The following RRP12 variants were observed in gnomAD, a reference collection of about 807,000 sequenced individuals.
The protein encoded by RRP12 is ribosomal RNA processing 12 homolog.
In RRP12, 78 loss-of-function variants were observed where a neutral mutation model predicts 157.3. The ratio of observed to expected loss-of-function variants is 0.50; its 90% CI spans 0.41 to 0.60. The LOEUF is 0.60. Among genes scored for constraint, RRP12 ranks in the 20% least tolerant of loss-of-function variants. The pLI is 0.00. For missense variants in RRP12, 1,521 were observed against 1,679.9 expected (o/e 0.91, Z 1.65); for synonymous variants, 726 against 670.9 (o/e 1.08, Z -1.27).
At chr10:97,379,269 C>T (rs1300886678) in intron 15 of RRP12, 24 bp downstream of exon 15, 1 of 1,613,090 alleles carries the variant, frequency 6.2e-7, no homozygotes, top group Admixed American at 1.7e-5. Flanking sequence ...CCTCAGGTCA[C>T]ACACAGGCAA....
intron 29 of RRP12, 105 bp downstream of exon 29, chr10:97,366,003 A>G: frequency 1.4e-6 from 2 of 1,460,448 alleles, no homozygotes; most frequent in South Asian, 2.4e-5. Context: ...GAAGCTGCCG[A>G]GAGAAGAGTT....
At chr10:97,396,976 G>A (rs568408580) in intron 2 of RRP12, among the ~76,000 whole-genome samples, 2 of 152,156 alleles carry the variant, frequency 1.3e-5, no homozygotes, top group Non-Finnish European at 2.9e-5. Context: ...TGTTGACCAA[G>A]CTGGTTTTGA....
Position 97,363,902 on chromosome 10 carries a change from G to A in RRP12, c.3519C>T (p.Gly1173=), listed in dbSNP as rs758736893. 10 of 1,613,626 alleles carry A rather than the reference G, an allele frequency of 6.2e-6. No homozygotes were observed. The highest frequency in any genetic ancestry group is 2.7e-5 in the African/African-American group (2 of 74,840). ...TTGGGTCAGCCATCTCTTCATCTTCGCCTGGAGCCAAAAAAGAGAGGCCCA... is the reference window on the plus strand; with the variant it reads ...TTGGGTCAGCCATCTCTTCATCTTCACCTGGAGCCAAAAAAGAGAGGCCCA... ...NKMEEEEGAK[G]EDEEMADPME... Residue 1173 remains glycine, a splice_region_variant and synonymous_variant, in exon 30 of 34, where the codon GGC becomes GGT. Coordinates refer to ENST00000370992, the MANE Select transcript of RRP12 (RefSeq NM_015179.4).
At position 97,369,079 on chromosome 10, in the gene RRP12, G is replaced by C. The variant is rs1163672911; in HGVS notation, c.2955+346C>G. Among the ~76,000 whole-genome samples, 10 of 152,310 alleles carry C rather than the reference G, an allele frequency of 6.6e-5. No homozygotes were observed. In the South Asian group the frequency reaches 8.3e-4, roughly 13 times the overall value. On this transcript the variant is annotated intron_variant, in intron 25 of 33. Coordinates refer to ENST00000370992, the MANE Select transcript of RRP12 (RefSeq NM_015179.4). ...AAAAAAAAAAAGGCAAGATGAGGGGGTCCTGTGGAGGGAGAGCCCAGCGTC... is the reference window on the plus strand; with the variant it reads ...AAAAAAAAAAAGGCAAGATGAGGGGCTCCTGTGGAGGGAGAGCCCAGCGTC...
chr10:97,398,021 A>ATATG (rs1348075035), intron 2 of RRP12, among the ~76,000 whole-genome samples: 1 of 62,368 alleles, frequency 1.6e-5, no homozygotes, highest in African/African-American at 5.1e-5. Context: ...ATATATATAT[A>ATATG]TGTATATATA....
intron 8 of RRP12, chr10:97,387,971 G>A: frequency 4.3e-6 from 1 of 231,826 alleles, no homozygotes; most frequent in Non-Finnish European, 7.7e-6. Context: ...AAAAAAAATT[G>A]GTATAGGGTA....
intron 1 of RRP12, 50 bp from the exon 2 acceptor site, chr10:97,400,584 G>A (rs763584485): frequency 3.4e-6 from 5 of 1,487,688 alleles, no homozygotes; most frequent in Non-Finnish European, 4.7e-6. Context: ...TTGGTCAAGA[G>A]AACAGAACAA....
chr10:97,373,417 C>A (rs1172407651), intron 17 of RRP12, among the ~76,000 whole-genome samples, 158 bp downstream of exon 17: 1 of 152,192 alleles, frequency 6.6e-6, no homozygotes, highest in Admixed American at 6.5e-5. Context: ...AGGGAGCCAG[C>A]AAAGTTATCC....
chr10:97,368,762 C>T (rs1262768325), intron 25 of RRP12, among the ~76,000 whole-genome samples: 1 of 152,236 alleles, frequency 6.6e-6, no homozygotes, highest in Non-Finnish European at 1.5e-5. Flanking sequence ...AGCGGGAGGG[C>T]ATGCTGATTC....
rs1167390072 is a variant in RRP12 at position 97,379,318 on chromosome 10, G to A, written c.1773C>T (p.Pro591=). 1 of 1,614,104 alleles carries A rather than the reference G, an allele frequency of 6.2e-7. No homozygotes were observed. Residue 591 remains proline (P), a synonymous_variant, in exon 15 of 34, where the codon CCC becomes CCT. Coordinates refer to ENST00000370992, the MANE Select transcript of RRP12 (RefSeq NM_015179.4). The part of the protein sequence containing the change: ...RLGFFTTYFL[P]LANTLKSKAM... ...CTTTGCTCTTCAGGGTGTTAGCCAGGGGCAAGAAGTAGGTGGTGAAAAAAC... is the reference window on the plus strand; with the variant it reads ...CTTTGCTCTTCAGGGTGTTAGCCAGAGGCAAGAAGTAGGTGGTGAAAAAAC...
At position 97,379,695 on chromosome 10, in the gene RRP12, C is replaced by T. The variant is rs201748523; in HGVS notation, c.1609G>A (p.Ala537Thr). 15 of 1,613,908 alleles carry T rather than the reference C, an allele frequency of 9.3e-6. No individual in the cohort carries two copies. The African/African-American group carries it at 1.5e-4, about 16-fold the overall frequency. The change falls in exon 14 of 34, where the codon GCT (alanine) becomes ACT (threonine). Residue 537 changes from alanine to threonine, a missense_variant. By Grantham distance (58) the Ala-to-Thr change is moderately conservative. Coordinates refer to ENST00000370992, the MANE Select transcript of RRP12 (RefSeq NM_015179.4). ...TCAGGTCCCATACTGGTCACCGCAG[C>T]CCCCACTGCCTGGTCAAGAGCCGCC... ...HTAALDQAVG[A>T]AVTSMGPEVV...
At chr10:97,359,380 T>G (rs1168824611) in intron 31 of RRP12, among the ~76,000 whole-genome samples, 3 of 152,224 alleles carry the variant, frequency 2.0e-5, no homozygotes, top group African/African-American at 7.2e-5. Flanking sequence ...AGCTCCAACC[T>G]CAGGCAAGCC....
rs547798672 is a variant in RRP12 at position 97,385,197 on chromosome 10, C to T, written c.1177G>A (p.Val393Ile). The T allele has an allele frequency of 7.4e-6, 12 of 1,614,090 alleles. No individual in the cohort carries two copies. In the South Asian group the frequency reaches 1.3e-4, roughly 18 times the overall value. The stretch of plus-strand genomic sequence containing the variant: ...AGGTTGATGTGGGCTTTCTCCATGA[C>T]CTTAAGCCAGGCTAGCAGGGGTTGT... ...DLQPLLAWLK[V>I]MEKAHINLVR... Residue 393 changes from valine (V) to isoleucine (I), a missense_variant, in exon 10 of 34, where the codon GTC (valine) becomes ATC (isoleucine). Physicochemically the swap from Val to Ile is conservative, Grantham distance 29. Coordinates refer to ENST00000370992, the MANE Select transcript of RRP12 (RefSeq NM_015179.4).
rs1232442446 is a variant in RRP12 at position 97,373,741 on chromosome 10, GAGA to G, written c.1864-7_1864-5del. 3.7e-6 allele frequency: 6 copies of G among 1,612,390 alleles called. No individual in the cohort carries two copies. Among genetic ancestry groups the G allele is most frequent in the Non-Finnish European group, 5.1e-6 (6 of 1,178,614 alleles). On this transcript the variant is annotated splice_polypyrimidine_tract_variant and splice_region_variant and intron_variant, in intron 16 of 33. Coordinates refer to ENST00000370992, the MANE Select transcript of RRP12 (RefSeq NM_015179.4). Reference sequence around the variant, plus strand: ...ACCCAGGCAGGAGTGTCCACATCTGGAGAAGGAGGGGACAATAAAGGAAGGTGA... The same window carrying G: ...ACCCAGGCAGGAGTGTCCACATCTGGAGGAGGGGACAATAAAGGAAGGTGA...
chr10:97,358,910 C>T (rs1237514832), intron 32 of RRP12, 33 bp downstream of exon 32: 2 of 1,581,324 alleles, frequency 1.3e-6, no homozygotes, highest in African/African-American at 1.3e-5. Context: ...TGTCCAGTGC[C>T]AGGAGACCCC....
chr10:97,383,589 G>A (rs1010105540), intron 10 of RRP12, among the ~76,000 whole-genome samples: 9 of 152,234 alleles, frequency 5.9e-5, no homozygotes, highest in African/African-American at 2.2e-4. Context: ...CTCCCTCCAT[G>A]CAGGTCACCA....
intron 10 of RRP12, among the ~76,000 whole-genome samples, chr10:97,384,129 G>A (rs540320775): frequency 8.9e-4 from 133 of 149,098 alleles, no homozygotes; most frequent in Admixed American, 1.5e-3. Context: ...CAGCCAGGAC[G>A]GAGGCCCTGA....
chr10:97,379,216 C>T (rs1254247694), intron 15 of RRP12, 77 bp downstream of exon 15: 1 of 1,541,418 alleles, frequency 6.5e-7, no homozygotes, highest in Non-Finnish European at 8.9e-7. Context: ...GGACTCAGCA[C>T]CCTTCCCAAT....
chr10:97,377,396 G>C (rs1282835047), intron 15 of RRP12, among the ~76,000 whole-genome samples: 3 of 151,528 alleles, frequency 2.0e-5, no homozygotes, highest in Admixed American at 2.0e-4. Flanking sequence ...AGGTGTGGTG[G>C]CACATGCCTG....
Sources: gnomAD v4.1 joint callset for allele counts (sites outside exome capture counted in the v4.1 genomes callset) on GRCh38, gnomAD v4.1.1 for gene constraint, MANE v1.5 for transcripts, NCBI Gene and HGNC (gene_info 2026-07-23, HGNC 2026-07-21) for gene names.